P2RY14: variants seen among roughly 807,000 people sequenced by gnomAD.
The protein encoded by P2RY14 is P2Y purinoceptor 14.
In P2RY14, 2 loss-of-function variants were observed where a neutral mutation model predicts 0.9. That is an observed-to-expected ratio of 2.16 (90% CI 0.88 to 6.79). P2RY14 has a LOEUF of 6.79. Ranked by LOEUF, P2RY14 falls within the 30% of genes most tolerant of loss-of-function variation. The pLI is 0.05. For missense variants in P2RY14, 378 were observed against 400.1 expected (o/e 0.94, Z 0.47); for synonymous variants, 158 against 147.2 (o/e 1.07, Z -0.53).
intron 2 of P2RY14, among the ~76,000 whole-genome samples, chr3:151,217,474 C>T (rs1226077154): frequency 6.6e-6 from 1 of 152,218 alleles, no homozygotes; most frequent in African/African-American, 2.4e-5. Flanking sequence ...ACTGACTGAC[C>T]AAGGTAAACT....
chr3:151,242,733 T>C (rs1434252148), intron 1 of P2RY14, among the ~76,000 whole-genome samples: 1 of 152,172 alleles, frequency 6.6e-6, no homozygotes, highest in Non-Finnish European at 1.5e-5. Context: ...AGGAACGCAG[T>C]TCCTCACCAG....
chr3:151,219,435 G>C (rs992049853), intron 2 of P2RY14, 100 bp downstream of exon 2: 1 of 152,112 alleles, frequency 6.6e-6, no homozygotes, highest in Non-Finnish European at 1.5e-5. Flanking sequence ...TCCTAATTGT[G>C]AGCTGTAATT....
chr3:151,236,458 A>G (rs1033038405), intron 1 of P2RY14, among the ~76,000 whole-genome samples: 2 of 152,174 alleles, frequency 1.3e-5, no homozygotes, highest in Non-Finnish European at 2.9e-5. Context: ...TTATTTTGTT[A>G]TTCTTAACGA....
intron 1 of P2RY14, chr3:151,241,968 A>G (rs1001852474): frequency 2.0e-5 from 3 of 153,268 alleles, no homozygotes; most frequent in African/African-American, 7.2e-5. Context: ...TGGGAAGCAC[A>G]AGGGGTCAGG....
chr3:151,248,577 C>T (rs1379508269), intron 1 of P2RY14, among the ~76,000 whole-genome samples: 1 of 152,118 alleles, frequency 6.6e-6, no homozygotes, highest in Non-Finnish European at 1.5e-5. Flanking sequence ...ACCCATCCGA[C>T]TGTCTGGATA....
rs1000315069 is a variant in P2RY14 at position 151,258,027 on chromosome 3, T to C, written c.-133+20260A>G. Among the ~76,000 whole-genome samples the C allele has an allele frequency of 1.8e-4, 27 of 152,236 alleles. 1 individual carries two copies. Among genetic ancestry groups the C allele is most frequent in the Admixed American group, 1.7e-3 (26 of 15,284 alleles). On this transcript the variant is annotated intron_variant, in intron 1 of 2. Coordinates refer to ENST00000309170, the MANE Select transcript of P2RY14 (RefSeq NM_014879.4). ...TCAATTTTTCTGGCATAAAGCTGTA[T>C]TTATTTTTGATATTCCTGATTAGTA... is the stretch of plus-strand genomic sequence containing the variant.
intron 1 of P2RY14, among the ~76,000 whole-genome samples, chr3:151,239,650 CA>C (rs1733675348): frequency 1.3e-5 from 2 of 152,286 alleles, no homozygotes; most frequent in African/African-American, 4.8e-5. Context: ...TAGGTATACA[CA>C]AAAGCTCTTT....
intron 1 of P2RY14, 31 bp from the exon 2 acceptor site, chr3:151,219,673 T>G (rs144187707): frequency 2.8e-4 from 43 of 152,352 alleles, no homozygotes; most frequent in African/African-American, 9.9e-4. Context: ...AACCAAAGAT[T>G]TAAGTGAGCA....
chr3:151,236,650 TG>T (rs1732880799), intron 1 of P2RY14, among the ~76,000 whole-genome samples: 2 of 152,220 alleles, frequency 1.3e-5, no homozygotes, highest in Non-Finnish European at 2.9e-5. Context: ...TACAAATTTT[TG>T]TAACATCTAT....
At chr3:151,234,803 T>C (rs1456661688) in intron 1 of P2RY14, among the ~76,000 whole-genome samples, 1 of 152,202 alleles carries the variant, frequency 6.6e-6, no homozygotes, top group Non-Finnish European at 1.5e-5. Flanking sequence ...TAATGTGGAC[T>C]ATCATTAACC....
intron 2 of P2RY14, among the ~76,000 whole-genome samples, chr3:151,215,637 G>A (rs1284669777): frequency 6.6e-6 from 1 of 152,152 alleles, no homozygotes; most frequent in East Asian, 1.9e-4. Context: ...GCAGAGGGAA[G>A]ACTAGAATTA....
intron 1 of P2RY14, among the ~76,000 whole-genome samples, chr3:151,277,401 T>C (rs1351887878): frequency 6.6e-6 from 1 of 152,224 alleles, no homozygotes; most frequent in Non-Finnish European, 1.5e-5. Flanking sequence ...GTTTTCTTTT[T>C]AACTTAATGG....
chr3:151,270,474 T>G (rs10935832), intron 1 of P2RY14, among the ~76,000 whole-genome samples: 41,317 of 151,870 alleles, frequency 0.27, 5,795 homozygotes, highest in Non-Finnish European at 0.31. Flanking sequence ...TCTGCTGGAA[T>G]TTGCATGGTG....
rs373767329 is a variant in P2RY14, at chr3:151,213,485, C to A, written c.832G>T (p.Glu278Ter). ...GCAGCAGATAGTAGCAGAGTGAATT[C>A]TTTCATATACCGCAAGATTTCTTTT... Reference protein sequence around the residue: ...QSKEILRYMKEFTLLLSAANV... With the variant: ...QSKEILRYMK Residue 278 changes from glutamate to a stop codon, truncating the protein, a stop_gained, in exon 3 of 3, where the codon GAA becomes TAA. Coordinates refer to ENST00000309170, the MANE Select transcript of P2RY14 (RefSeq NM_014879.4). LOFTEE classifies it high-confidence loss of function. The A allele has an allele frequency of 2.5e-6, 4 of 1,614,140 alleles. No individual in the cohort carries two copies. The highest frequency in any genetic ancestry group is 3.4e-6 in the Non-Finnish European group (4 of 1,180,018).
intron 1 of P2RY14, among the ~76,000 whole-genome samples, chr3:151,247,761 TAAAAAA>T (rs71138490): frequency 6.9e-6 from 1 of 144,136 alleles, no homozygotes; most frequent in Admixed American, 6.9e-5. Flanking sequence ...TAATGTATAA[TAAAAAA>T]AAAAAGCAAA....
At chr3:151,278,087 TGGA>T (rs1376672214) in intron 1 of P2RY14, among the ~76,000 whole-genome samples, 197 bp downstream of exon 1, 2 of 152,240 alleles carry the variant, frequency 1.3e-5, no homozygotes, top group Non-Finnish European at 2.9e-5. Flanking sequence ...ATTTCAGTAT[TGGA>T]TCCCCATATT....
At chr3:151,252,888 T>C (rs1446193510) in intron 1 of P2RY14, among the ~76,000 whole-genome samples, 1 of 152,160 alleles carries the variant, frequency 6.6e-6, no homozygotes, top group African/African-American at 2.4e-5. Flanking sequence ...TCCAATTTTA[T>C]TGATTTAAAG....
At chr3:151,261,441 G>A (rs1167022903) in intron 1 of P2RY14, 2 of 152,056 alleles carry the variant, frequency 1.3e-5, no homozygotes, top group African/African-American at 4.8e-5. Context: ...GGTAATTCCT[G>A]GGTAAGTAAT....
chr3:151,255,802 G>A (rs929432911), intron 1 of P2RY14, among the ~76,000 whole-genome samples: 1 of 152,096 alleles, frequency 6.6e-6, no homozygotes, highest in African/African-American at 2.4e-5. Flanking sequence ...GTTAAATTTG[G>A]ATATACAAGC....
Sources: allele counts gnomAD v4.1 joint callset (sites outside exome capture counted in the v4.1 genomes callset), GRCh38; gene constraint gnomAD v4.1.1; transcripts MANE v1.5; gene names NCBI Gene and HGNC (gene_info 2026-07-23, HGNC 2026-07-21).